GREP1: variants seen among roughly 807,000 people sequenced by gnomAD.
GREP1 encodes glycine-rich extracellular protein 1.
intron 33 of GREP1, 36 bp downstream of exon 27, chr16:3,000,863 T>G (rs777000975): frequency 4.5e-5 from 18 of 398,442 alleles, no homozygotes; most frequent in Admixed American, 1.3e-4. Flanking sequence ...TTGGGGCCAT[T>G]AGAGGTGGCT....
Position 2,992,487 on chromosome 16 carries a change from G to C in GREP1, c.323-318G>C. On this transcript the variant is annotated intron_variant, in intron 8 of 34. Transcript: ENST00000573315. The surrounding 1 kb of genome is among the most constrained non-coding windows in gnomAD (Gnocchi z 4.9). ...GGCTGGGGGAGAGGTCAGGGGCCCA[G>C]GGCCACACTCTGGGTCCCAACAGAT... is the stretch of plus-strand genomic sequence containing the variant. The C allele has an allele frequency of 4.5e-6, 1 of 224,052 alleles. No individual in the cohort carries two copies. The highest frequency in any genetic ancestry group is 9.1e-5 in the East Asian group (1 of 11,030). 13.9% of individuals were successfully genotyped at this position (224,052 alleles called of 1,614,324 possible).
At chr16:2,996,561 G>C in intron 19 of GREP1, 30 bp downstream of exon 18, 1 of 399,404 alleles carries the variant, frequency 2.5e-6, no homozygotes, top group Non-Finnish European at 4.4e-6. Context: ...GCTCGCGAGG[G>C]GTCGGGAGGT....
At chr16:2,994,819 C>T (rs962068610) in exon 12 of GREP1, 2 of 399,162 alleles carry the variant, frequency 5.0e-6, no homozygotes, top group East Asian at 3.6e-5. Flanking sequence ...ATGTGGGGGC[C>T]GTCAAACCCC....
rs753746211 is a variant in GREP1 at position 2,988,995 on chromosome 16, C to T, written c.100+373C>T. On this transcript the variant is annotated intron_variant, in intron 2 of 34. Coordinates refer to ENST00000573315, the Ensembl canonical transcript of GREP1. ...AGGAGGTGGAGTGTCATGGAAGAGTCTTTACTTCAGGGACCTGGGGGGTCC... is the reference window on the plus strand; with the variant it reads ...AGGAGGTGGAGTGTCATGGAAGAGTTTTTACTTCAGGGACCTGGGGGGTCC... The T allele has an allele frequency of 7.1e-5, 20 of 282,176 alleles. 1 individual carries two copies. Among genetic ancestry groups the T allele is most frequent in the Non-Finnish European group, 1.3e-4 (20 of 152,446 alleles). The allele number at this position is 282,176 out of a possible 1,614,324, so 17.5% of individuals were successfully genotyped here. A position where few individuals can be genotyped will look rare whatever the true frequency, so the allele number is the denominator to read the frequency against.
rs2072396769 is a variant in GREP1 at position 2,991,094 on chromosome 16, C to A, written c.315C>A (p.Ala105=). The A allele has an allele frequency of 2.5e-6, 1 of 399,078 alleles. No individual in the cohort carries two copies. The highest frequency in any genetic ancestry group is 2.1e-5 in the African/African-American group (1 of 48,592). The allele number at this position is 399,078 out of a possible 1,614,324, so 24.7% of individuals were successfully genotyped here. Residue 105 remains alanine, a synonymous_variant, in exon 8 of 35, where the codon GCC becomes GCA. Transcript: ENST00000573315. This position sits in a 1 kb window ranked among gnomAD's most constrained non-coding sequence, Gnocchi z 4.9. ...CAGCGGCCTTCCCAGTGGCCGGAGC[C>A]CAGTCAGGTGAGGAAACGTCGGGTG... is the stretch of plus-strand genomic sequence containing the variant.
chr16:2,988,406 A>G, intron 1 of GREP1, 66 bp downstream of exon 1: 4 of 399,160 alleles, frequency 1.0e-5, no homozygotes, highest in Non-Finnish European at 1.8e-5. Context: ...TGGGGGTCCA[A>G]GTGGGGCCCT....
chr16:2,998,920 A>G, exon 26 of GREP1: 1 of 399,110 alleles, frequency 2.5e-6, no homozygotes, highest in Non-Finnish European at 4.4e-6. Context: ...TCGGACAAAG[A>G]GGGTGGCTGG....
At chr16:2,988,328 G>A (rs942650343) in exon 1 of GREP1, 7 of 399,256 alleles carry the variant, frequency 1.8e-5, no homozygotes, top group Admixed American at 4.4e-5. Context: ...CCTGACTTCC[G>A]AGAGCCTGCA....
chr16:2,995,559 T>C lies in GREP1; in HGVS notation c.554-60T>C, dbSNP rs1010883419. On this transcript the variant is annotated intron_variant, in intron 15 of 34. Transcript: ENST00000573315. ...GGCTGCTGGGAGGAAGCCTCCAGGA[T>C]TCCCTTACCTCCACCTCAACCAAAC... 9.3e-5 allele frequency: 37 copies of C among 398,614 alleles called. No individual in the cohort carries two copies. The Admixed American group carries it at 1.4e-3, about 15-fold the overall frequency. 24.7% of individuals were successfully genotyped at this position (398,614 alleles called of 1,614,324 possible).
At chr16:2,998,861 G>A (rs532577966) in exon 26 of GREP1, 9 of 399,128 alleles carry the variant, frequency 2.3e-5, no homozygotes, top group Non-Finnish European at 4.0e-5. Flanking sequence ...CCTGCAATGC[G>A]AGGGTCGCTC....
Position 2,997,020 on chromosome 16 carries a change from G to C in GREP1, c.821G>C (p.Trp274Ser), listed in dbSNP as rs79831568. The C allele has an allele frequency of 3.1e-3, 1,244 of 399,180 alleles. 10 individuals carry two copies. Among genetic ancestry groups the C allele is most frequent in the African/African-American group, 0.024 (1,152 of 48,724 alleles). The allele number at this position is 399,180 out of a possible 1,614,324, so 24.7% of individuals were successfully genotyped here. Residue 274 changes from tryptophan to serine, a missense_variant, in exon 21 of 35, where the codon TGG becomes TCG. Trp to Ser is a radical substitution (Grantham distance 177). Transcript: ENST00000573315. ...CCAGGAGGTCCAGAGCGGAGGCCTT[G>C]GGTCCCTCACTTGCTCCCTTTCTCT...
At chr16:3,000,481 G>A (rs1238080500) in intron 31 of GREP1, 1 of 399,148 alleles carries the variant, frequency 2.5e-6, no homozygotes, top group African/African-American at 2.1e-5. Context: ...GTCAGACCCA[G>A]GGGACAAAGT....
chr16:2,988,576 T>C lies in GREP1; in HGVS notation c.68-14T>C. The C allele has an allele frequency of 2.5e-6, 1 of 399,130 alleles. No individual in the cohort carries two copies. Among genetic ancestry groups the C allele is most frequent in the Admixed American group, 4.4e-5 (1 of 22,732 alleles). The allele number at this position is 399,130 out of a possible 1,614,324, so 24.7% of individuals were successfully genotyped here. On this transcript the variant is annotated splice_polypyrimidine_tract_variant and intron_variant, in intron 1 of 34. Coordinates refer to ENST00000573315, the Ensembl canonical transcript of GREP1. ...GGTCCCCAGCCTTGAGTCAGCACTG[T>C]CTTGCTTCCGCAGGGCTGCCCCTTC...
chr16:2,996,519 G>C lies in GREP1; in HGVS notation c.700G>C (p.Gly234Arg), dbSNP rs992159344. 1.2e-4 allele frequency: 48 copies of C among 399,272 alleles called. 1 individual carries two copies. The highest frequency in any genetic ancestry group is 1.3e-3 in the Middle Eastern group (2 of 1,590). The allele number at this position is 399,272 out of a possible 1,614,324, so 24.7% of individuals were successfully genotyped here. Residue 234 changes from glycine (G) to arginine (R), a missense_variant, in exon 19 of 35, where the codon GGA becomes CGA. Transcript: ENST00000573315. ...AGAATATGGCCATGGAAATGGACCG[G>C]GAGTCCAGCCAGGTGAGGGCAGCTG...
At chr16:2,996,444 G>C (rs1272418023) in intron 18 of GREP1, 52 bp from the exon 18 acceptor site, 2 of 398,702 alleles carry the variant, frequency 5.0e-6, no homozygotes, top group Non-Finnish European at 8.8e-6. Flanking sequence ...GCGTCCTCCT[G>C]ACACCCCCTC....
rs1462939437 is a variant in GREP1, at chr16:2,989,947, G to A, written c.131-27G>A. The A allele has an allele frequency of 1.0e-5, 4 of 398,788 alleles. No individual in the cohort carries two copies. The highest frequency in any genetic ancestry group is 1.8e-5 in the Non-Finnish European group (4 of 226,076). 24.7% of individuals were successfully genotyped at this position (398,788 alleles called of 1,614,324 possible). The stretch of plus-strand genomic sequence containing the variant: ...GCTCTGGGGAGATCCTGGGGGAGGG[G>A]TGTCCCTCACCTCCCTGTCTCTCCA... On this transcript the variant is annotated intron_variant, in intron 3 of 34. Transcript: ENST00000573315. This position sits in a 1 kb window ranked among gnomAD's most constrained non-coding sequence, Gnocchi z 4.2.
At chr16:2,990,267 T>C (rs1298332478) in intron 5 of GREP1, 145 bp downstream of exon 5, 4 of 397,882 alleles carry the variant, frequency 1.0e-5, no homozygotes, top group African/African-American at 2.1e-5. Context: ...TCAAGGGTCT[T>C]GTACCCCCAC....
chr16:2,998,991 G>A lies in GREP1; in HGVS notation c.1144+12G>A. The A allele has an allele frequency of 2.5e-6, 1 of 399,148 alleles. No homozygotes were observed. Among genetic ancestry groups the A allele is most frequent in the East Asian group, 3.6e-5 (1 of 28,082 alleles). 24.7% of individuals were successfully genotyped at this position (399,148 alleles called of 1,614,324 possible). A position where few individuals can be genotyped will look rare whatever the true frequency, so the allele number is the denominator to read the frequency against. ...TGGCAAGTTACCAGGTCAGTGTGGA[G>A]TGGGGGTGCCTAGGGGGCACTGGGA... is the stretch of plus-strand genomic sequence containing the variant. On this transcript the variant is annotated intron_variant, in intron 26 of 34. Transcript: ENST00000573315.
chr16:2,999,492 T>C (rs1200526135), intron 27 of GREP1, among the ~76,000 whole-genome samples: 1 of 149,394 alleles, frequency 6.7e-6, no homozygotes, highest in African/African-American at 2.5e-5. Context: ...TTTTTTTTTT[T>C]TTTTTTTTTT....
Sources: allele counts gnomAD v4.1 joint callset (sites outside exome capture counted in the v4.1 genomes callset), GRCh38; gene constraint gnomAD v4.1.1; non-coding constraint Gnocchi (gnomAD v3.1); transcripts MANE v1.5; gene names NCBI Gene and HGNC (gene_info 2026-07-23, HGNC 2026-07-21).